Variants in COBL observed in about 807,000 individuals in gnomAD.
The protein encoded by COBL is cordon-bleu WH2 repeat protein, also known as protein cordon-bleu.
A neutral mutation model predicts 98.8 loss-of-function variants in COBL; 51 were observed. The observed-to-expected ratio is 0.52, with a 90% CI of 0.41 to 0.65. The LOEUF is 0.65. Among genes scored for constraint, COBL ranks in the 30% least tolerant of loss-of-function variants. The pLI, the probability that COBL is intolerant of heterozygous loss-of-function variation, is 0.00. For synonymous variants in COBL, 634 were observed against 651.7 expected (o/e 0.97, Z 0.41); for missense variants, 1,617 against 1,617.5 (o/e 1.00, Z 0.01).
At position 51,043,595 on chromosome 7, in the gene COBL, A is replaced by C. The variant is rs1185243064; in HGVS notation, c.1194T>G (p.Phe398Leu). ...AEETVSVGSC[F>L]ASEDTTEDSG... ...AGTCCTCGGTCGTGTCCTCCGACGCAAAACAGCTGCCAACTGACACGGTCT... is the reference window on the plus strand; with the variant it reads ...AGTCCTCGGTCGTGTCCTCCGACGCCAAACAGCTGCCAACTGACACGGTCT... Residue 398 changes from phenylalanine to leucine, a missense_variant, in exon 8 of 13, where the codon TTT becomes TTG. Physicochemically the swap from Phe to Leu is conservative, Grantham distance 22 (BLOSUM62 0). Around this residue, in one of 3 missense-constraint regions of COBL, gnomAD observed 1,304 missense variants for 1,282.0 expected, o/e 1.02. Transcript: ENST00000265136. The C allele has an allele frequency of 8.7e-6, 14 of 1,614,100 alleles. No homozygotes were observed. The highest frequency in any genetic ancestry group is 4.5e-5 in the East Asian group (2 of 44,890).
rs763210510 is a variant in COBL, at chr7:51,193,393, G to T, written c.442C>A (p.Pro148Thr). The change falls in exon 3 of 13, where the codon CCT becomes ACT. Residue 148 changes from proline to threonine, a missense_variant. Transcript: ENST00000265136. Reference sequence around the variant, plus strand: ...TACCTACTAACCTCAGGCACCTTAGGGGGACCAGGCTTAACCTTCTCTTCA... The same window carrying T: ...TACCTACTAACCTCAGGCACCTTAGTGGGACCAGGCTTAACCTTCTCTTCA... ...VPEEKVKPGP[P>T]KVPEKSVRLV... is the part of the protein sequence containing the mutation. The T allele has an allele frequency of 1.2e-6, 2 of 1,614,026 alleles. No individual in the cohort carries two copies. Among genetic ancestry groups the T allele is most frequent in the Admixed American group, 3.3e-5 (2 of 59,998 alleles).
At chr7:51,077,336 A>T (rs1425541703) in intron 7 of COBL, among the ~76,000 whole-genome samples, 5 of 152,212 alleles carry the variant, frequency 3.3e-5, no homozygotes, top group Admixed American at 3.3e-4. Context: ...GCCCTTTGTG[A>T]CATGCAGCTT....
At chr7:51,299,546 G>A (rs1348620850) in intron 1 of COBL, among the ~76,000 whole-genome samples, 2 of 152,158 alleles carry the variant, frequency 1.3e-5, no homozygotes, top group Non-Finnish European at 2.9e-5. Flanking sequence ...AAACCCAGTT[G>A]GCGCTCTCTA....
intron 1 of COBL, among the ~76,000 whole-genome samples, chr7:51,266,754 C>A (rs966431803): frequency 6.6e-6 from 1 of 152,152 alleles, no homozygotes; most frequent in African/African-American, 2.4e-5. Context: ...AGCACCCACA[C>A]ACAGTTTTTT....
intron 7 of COBL, among the ~76,000 whole-genome samples, chr7:51,057,594 A>C (rs951823218): frequency 6.6e-6 from 1 of 152,162 alleles, no homozygotes; most frequent in East Asian, 1.9e-4. Context: ...ATTTTGGGAA[A>C]CTAGTATAGA....
chr7:51,195,835 T>C (rs1320103215), intron 2 of COBL, among the ~76,000 whole-genome samples: 7 of 152,194 alleles, frequency 4.6e-5, no homozygotes, highest in African/African-American at 1.7e-4. Flanking sequence ...GGGGTTTTTG[T>C]ACATCGATTT....
intron 7 of COBL, among the ~76,000 whole-genome samples, chr7:51,058,554 A>AAAC (rs57660073): frequency 0.1 from 15,376 of 149,974 alleles, 1,255 homozygotes; most frequent in East Asian, 0.23. Flanking sequence ...CCATGTCTCA[A>AAAC]AACAACAACA....
intron 6 of COBL, among the ~76,000 whole-genome samples, chr7:51,096,958 T>C (rs1795322241): frequency 6.6e-6 from 1 of 152,072 alleles, no homozygotes. Flanking sequence ...TTTCCAAATA[T>C]TGATGAGGAG....
chr7:51,051,112 A>G (rs1250546162), intron 7 of COBL, among the ~76,000 whole-genome samples: 2 of 152,144 alleles, frequency 1.3e-5, no homozygotes, highest in Admixed American at 6.5e-5. Context: ...GGCTGGCTCC[A>G]TTTACTTGTT....
At chr7:51,253,672 C>T (rs1796944172) in intron 1 of COBL, among the ~76,000 whole-genome samples, 1 of 152,174 alleles carries the variant, frequency 6.6e-6, no homozygotes, top group African/African-American at 2.4e-5. Flanking sequence ...TTTTGTACCA[C>T]CTACAATACC....
At chr7:51,067,656 C>T (rs995356545) in intron 7 of COBL, among the ~76,000 whole-genome samples, 1 of 152,218 alleles carries the variant, frequency 6.6e-6, no homozygotes, top group Non-Finnish European at 1.5e-5. Context: ...TGATCTTAGG[C>T]AAGTTACTAG....
chr7:51,093,080 G>T (rs1794962793), intron 6 of COBL, among the ~76,000 whole-genome samples: 1 of 152,272 alleles, frequency 6.6e-6, no homozygotes, highest in African/African-American at 2.4e-5. Context: ...AATGAACAGA[G>T]TGAAGAGACA....
At chr7:51,157,180 G>A (rs1172667538) in intron 5 of COBL, among the ~76,000 whole-genome samples, 1 of 152,178 alleles carries the variant, frequency 6.6e-6, no homozygotes, top group Non-Finnish European at 1.5e-5. Flanking sequence ...AAACCAGCCT[G>A]GCCAACATGG....
intron 7 of COBL, chr7:51,073,140 T>C: frequency 2.5e-6 from 1 of 394,346 alleles, no homozygotes; most frequent in East Asian, 3.6e-5. Flanking sequence ...AATTTGCATA[T>C]AATTTACCTC....
Position 51,083,001 on chromosome 7 carries a change from G to T in COBL, c.1096+2165C>A, listed in dbSNP as rs1562886406. Reference sequence around the variant, plus strand: ...AATCTGGAAACCCAGCCCTGACATCGCAGTGCTCAGAGAGATGAACAGTTA... The same window carrying T: ...AATCTGGAAACCCAGCCCTGACATCTCAGTGCTCAGAGAGATGAACAGTTA... On this transcript the variant is annotated intron_variant, in intron 7 of 12. Transcript: ENST00000265136. The T allele has an allele frequency of 4.8e-6, 7 of 1,471,290 alleles. No individual in the cohort carries two copies. In the Admixed American group the frequency reaches 5.9e-5, roughly 12 times the overall value. 91.1% of individuals were successfully genotyped at this position (1,471,290 alleles called of 1,614,324 possible). A position where few individuals can be genotyped will look rare whatever the true frequency, so the allele number is the denominator to read the frequency against.
intron 9 of COBL, among the ~76,000 whole-genome samples, chr7:51,030,508 C>T (rs993781047): frequency 1.5e-4 from 23 of 152,114 alleles, no homozygotes; most frequent in Non-Finnish European, 2.2e-4. Context: ...TTATTTTTTG[C>T]GCCACCCTTT....
intron 7 of COBL, among the ~76,000 whole-genome samples, chr7:51,059,331 A>G (rs1396227052): frequency 6.6e-6 from 1 of 152,230 alleles, no homozygotes; most frequent in Non-Finnish European, 1.5e-5. Context: ...CAGTTGGCCT[A>G]TGGTAAAACT....
intron 7 of COBL, chr7:51,065,555 G>A (rs928116356): frequency 6.6e-6 from 4 of 610,102 alleles, no homozygotes; most frequent in Non-Finnish European, 1.2e-5. Flanking sequence ...GCCAGCTTTG[G>A]GCAAAATCAG....
intron 6 of COBL, among the ~76,000 whole-genome samples, chr7:51,135,119 T>C (rs1799113649): frequency 6.6e-6 from 1 of 152,056 alleles, no homozygotes; most frequent in Non-Finnish European, 1.5e-5. Context: ...TGCACCACCA[T>C]GCCTGGCTAA....
Sources: allele counts gnomAD v4.1 joint callset (sites outside exome capture counted in the v4.1 genomes callset), GRCh38; gene constraint gnomAD v4.1.1; regional missense constraint gnomAD v4.1.1; transcripts MANE v1.5; gene names NCBI Gene and HGNC (gene_info 2026-07-23, HGNC 2026-07-21).